The following EXOC2 variants were observed in gnomAD, a reference collection of about 807,000 sequenced individuals.
EXOC2 encodes exocyst complex component 2, also known as SEC5-like 1.
Under a neutral mutation model 131.8 loss-of-function variants are expected in EXOC2, and 70 were observed. The ratio of observed to expected loss-of-function variants is 0.53; its 90% CI spans 0.44 to 0.65. The LOEUF is 0.65. Among genes scored for constraint, EXOC2 ranks in the 30% least tolerant of loss-of-function variants. EXOC2 has a pLI of 0.00. For missense variants in EXOC2, 923 were observed against 1,108.6 expected, an observed-to-expected ratio of 0.83 and a Z score of 2.38; for synonymous variants, 411 against 398.4, an observed-to-expected ratio of 1.03 and a Z score of -0.38.
chr6:656,697 G>T (rs952087853), intron 1 of EXOC2: 1 of 1,605,334 alleles, frequency 6.2e-7, no homozygotes, highest in East Asian at 2.2e-5. Context: ...GTGCTCCGCC[G>T]TCAGCTCCAG....
intron 3 of EXOC2, among the ~76,000 whole-genome samples, chr6:631,923 G>A (rs1761879080): frequency 6.6e-6 from 1 of 152,094 alleles, no homozygotes; most frequent in Admixed American, 6.5e-5. Flanking sequence ...GAACAATGCT[G>A]CAGAAAGCCT....
intron 6 of EXOC2, among the ~76,000 whole-genome samples, chr6:610,904 A>G (rs527756025): frequency 2.0e-5 from 3 of 152,362 alleles, no homozygotes; most frequent in African/African-American, 4.8e-5. Flanking sequence ...TCAGAGAAAG[A>G]AGGAGTATAT....
Position 656,541 on chromosome 6 carries a change from C to G in EXOC2, c.-43-18680G>C. 1.2e-6 allele frequency: 2 copies of G among 1,600,952 alleles called. No individual in the cohort carries two copies. Among genetic ancestry groups the G allele is most frequent in the African/African-American group, 1.3e-5 (1 of 74,862 alleles). On this transcript the variant is annotated intron_variant, in intron 1 of 27. Transcript: ENST00000230449. ...CCGCCACACTCTCCTGGGAAGCACC[C>G]GCACGGGCAGATCGTGCACCACGCT...
At chr6:554,437 A>C (rs1020582708) in intron 20 of EXOC2, among the ~76,000 whole-genome samples, 3 of 152,214 alleles carry the variant, frequency 2.0e-5, no homozygotes, top group Non-Finnish European at 4.4e-5. Context: ...TTTAATCCAT[A>C]ATATGAGGGA....
intron 22 of EXOC2, among the ~76,000 whole-genome samples, chr6:537,218 G>A (rs1431442184): frequency 6.6e-6 from 1 of 151,676 alleles, no homozygotes; most frequent in Non-Finnish European, 1.5e-5. Flanking sequence ...ACGACCGACG[G>A]AGCGCACACA....
chr6:593,262 C>T (rs952700738), intron 10 of EXOC2, among the ~76,000 whole-genome samples: 2 of 151,676 alleles, frequency 1.3e-5, no homozygotes, highest in African/African-American at 2.4e-5. Context: ...CCAGCAGATA[C>T]TGGGCAAATA....
chr6:542,045 T>C (rs960594182), intron 22 of EXOC2, among the ~76,000 whole-genome samples: 1 of 152,162 alleles, frequency 6.6e-6, no homozygotes, highest in African/African-American at 2.4e-5. Context: ...TTTATGCTAA[T>C]GTAAAAGTCA....
chr6:660,293 C>T (rs899740190), intron 1 of EXOC2, among the ~76,000 whole-genome samples: 2 of 152,040 alleles, frequency 1.3e-5, no homozygotes, highest in African/African-American at 4.8e-5. Flanking sequence ...ACTACTACAG[C>T]TGATGCTTTC....
intron 1 of EXOC2, among the ~76,000 whole-genome samples, chr6:673,356 C>A (rs114227495): frequency 0.04 from 5,958 of 150,080 alleles, 185 homozygotes; most frequent in African/African-American, 0.085. Context: ...GTTAGTGTTC[C>A]ATTAAATTAG....
At chr6:522,354 C>T (rs1360919566) in intron 23 of EXOC2, among the ~76,000 whole-genome samples, 2 of 149,960 alleles carry the variant, frequency 1.3e-5, no homozygotes, top group East Asian at 2.0e-4. Flanking sequence ...CTCCAGGCCT[C>T]AGCCAGGCCC....
At chr6:489,964 G>A (rs1281877108) in intron 26 of EXOC2, among the ~76,000 whole-genome samples, 1 of 152,222 alleles carries the variant, frequency 6.6e-6, no homozygotes, top group Admixed American at 6.5e-5. Flanking sequence ...TGGGGTGTGG[G>A]ACGGGTGGCT....
chr6:629,819 G>A lies in EXOC2; in HGVS notation c.422+16C>T. 6.2e-7 allele frequency: 1 copy of A among 1,610,428 alleles called. No homozygotes were observed. The stretch of plus-strand genomic sequence containing the variant: ...AACTGAAAAATAAAGAAGACTGAAA[G>A]CAAGATGGTACTCACTTTTCAATCT... On this transcript the variant is annotated intron_variant, in intron 4 of 27. Coordinates refer to ENST00000230449, the MANE Select transcript of EXOC2 (RefSeq NM_018303.6).
At chr6:596,009 C>T (rs945535415) in intron 10 of EXOC2, among the ~76,000 whole-genome samples, 2 of 152,118 alleles carry the variant, frequency 1.3e-5, no homozygotes, top group Non-Finnish European at 2.9e-5. Flanking sequence ...GGCGTCCCGT[C>T]CCCCGGGTCA....
chr6:626,465 C>T (rs752889196), intron 4 of EXOC2, among the ~76,000 whole-genome samples: 55 of 152,334 alleles, frequency 3.6e-4, no homozygotes, highest in Admixed American at 2.5e-3. Context: ...GGGCCCCTCA[C>T]GTTCCCAGTG....
chr6:625,562 T>C (rs189032968), intron 4 of EXOC2, among the ~76,000 whole-genome samples: 1 of 150,666 alleles, frequency 6.6e-6, no homozygotes, highest in East Asian at 1.9e-4. Context: ...TTTCTGGACT[T>C]GAAGGCGTTC....
rs73373806 is a variant in EXOC2, at chr6:629,714, C to T, written c.422+121G>A. 1.2e-3 allele frequency: 1,402 copies of T among 1,203,346 alleles called. 11 individuals carry two copies. The African/African-American group carries it at 0.02, about 17-fold the overall frequency. The allele number at this position is 1,203,346 out of a possible 1,614,324, so 74.5% of individuals were successfully genotyped here. On this transcript the variant is annotated intron_variant, in intron 4 of 27. Transcript: ENST00000230449. The stretch of plus-strand genomic sequence containing the variant: ...ATAAATAACACCCATCTCCAAACAA[C>T]TGAGGTGTCTTCAACTGTGTTTCCT...
chr6:515,641 G>C (rs1417601928), intron 23 of EXOC2, among the ~76,000 whole-genome samples: 1 of 151,264 alleles, frequency 6.6e-6, no homozygotes, highest in African/African-American at 2.4e-5. Flanking sequence ...ACAAAGGAGA[G>C]ACGCACACAG....
rs563006620 is a variant in EXOC2 at position 610,278 on chromosome 6, T to C, written c.662-100A>G. 172 of 1,032,348 alleles carry C rather than the reference T, an allele frequency of 1.7e-4. 1 individual carries two copies. In the African/African-American group the frequency reaches 2.6e-3, roughly 16 times the overall value. The allele number at this position is 1,032,348 out of a possible 1,614,324, so 63.9% of individuals were successfully genotyped here. A position where few individuals can be genotyped will look rare whatever the true frequency, so the allele number is the denominator to read the frequency against. On this transcript the variant is annotated intron_variant, in intron 6 of 27. Coordinates refer to ENST00000230449, the MANE Select transcript of EXOC2 (RefSeq NM_018303.6). Reference sequence around the variant, plus strand: ...AAACAGCTTTTTAAAATGGTCATATTATTTTCACTGCTGAAAAGCAGCAAA... The same window carrying C: ...AAACAGCTTTTTAAAATGGTCATATCATTTTCACTGCTGAAAAGCAGCAAA...
chr6:653,035 G>T (rs991563165), intron 1 of EXOC2, among the ~76,000 whole-genome samples: 1 of 152,112 alleles, frequency 6.6e-6, no homozygotes, highest in Non-Finnish European at 1.5e-5. Flanking sequence ...TGATACTATT[G>T]TAACTGTTCC....
Sources: gnomAD v4.1 joint callset for allele counts (sites outside exome capture counted in the v4.1 genomes callset) on GRCh38, gnomAD v4.1.1 for gene constraint, MANE v1.5 for transcripts, NCBI Gene and HGNC (gene_info 2026-07-23, HGNC 2026-07-21) for gene names.